Variants in GUCY1B1 observed in about 807,000 individuals in gnomAD.
GUCY1B1 encodes the protein guanylate cyclase 1 soluble subunit beta 1.
In GUCY1B1, 43 loss-of-function variants were observed where a neutral mutation model predicts 71.0. The ratio of observed to expected loss-of-function variants is 0.61; its 90% confidence interval spans 0.47 to 0.78. The LOEUF is 0.78. Among genes scored for constraint, GUCY1B1 ranks in the 30% least tolerant of loss-of-function variants. The pLI, the probability that GUCY1B1 is intolerant of heterozygous loss-of-function variation, is 0.00. For synonymous variants in GUCY1B1, 266 were observed against 259.7 expected (o/e 1.02, Z -0.23); for missense variants, 535 against 754.1 (o/e 0.71, Z 3.40).
At chr4:155,786,690 G>A (rs1214205605) in intron 4 of GUCY1B1, among the ~76,000 whole-genome samples, 1 of 151,688 alleles carries the variant, frequency 6.6e-6, no homozygotes, top group Non-Finnish European at 1.5e-5. Context: ...AGCCAGGATG[G>A]TCTTGATCTC....
At chr4:155,763,208 G>C (rs1737115605) in intron 2 of GUCY1B1, among the ~76,000 whole-genome samples, 1 of 151,932 alleles carries the variant, frequency 6.6e-6, no homozygotes, top group South Asian at 2.1e-4. Flanking sequence ...ATTTTTTCTG[G>C]GTAGCAGCGG....
chr4:155,794,574 A>G (rs1275641668), intron 6 of GUCY1B1, among the ~76,000 whole-genome samples: 1 of 152,202 alleles, frequency 6.6e-6, no homozygotes, highest in Non-Finnish European at 1.5e-5. Flanking sequence ...TGATGATGAG[A>G]AACTGCTGTT....
chr4:155,761,346 TGC>T (rs1300961750), intron 2 of GUCY1B1, among the ~76,000 whole-genome samples: 7 of 136,576 alleles, frequency 5.1e-5, no homozygotes, highest in African/African-American at 1.6e-4. Context: ...AATTTATAAA[TGC>T]TATATATATA....
chr4:155,772,710 C>G (rs1458631727), intron 2 of GUCY1B1: 1 of 702,422 alleles, frequency 1.4e-6, no homozygotes. Flanking sequence ...ATGAGCCAAC[C>G]TGCCCAGCCA....
chr4:155,769,681 ATTTAC>A (rs1269799511), intron 2 of GUCY1B1, among the ~76,000 whole-genome samples: 1 of 152,070 alleles, frequency 6.6e-6, no homozygotes, highest in Non-Finnish European at 1.5e-5. Context: ...GTTTAATCCA[ATTTAC>A]TTAGAGTTTA....
Position 155,806,449 on chromosome 4 carries a change from C to G in GUCY1B1, c.*40C>G. ...GGTGAAGAGGAGTACAGACTAGGTTCCAGTTTTCTCCTAACACGTGCCAAG... is the reference window on the plus strand; with the variant it reads ...GGTGAAGAGGAGTACAGACTAGGTTGCAGTTTTCTCCTAACACGTGCCAAG... On this transcript the variant is annotated 3_prime_UTR_variant, in exon 14 of 14. Coordinates refer to ENST00000264424, the MANE Select transcript of GUCY1B1 (RefSeq NM_000857.5). The G allele has an allele frequency of 6.9e-7, 1 of 1,449,286 alleles. No homozygotes were observed. Among genetic ancestry groups the G allele is most frequent in the Non-Finnish European group, 9.7e-7 (1 of 1,031,844 alleles). The allele number at this position is 1,449,286 out of a possible 1,614,324, so 89.8% of individuals were successfully genotyped here. A position where few individuals can be genotyped will look rare whatever the true frequency, so the allele number is the denominator to read the frequency against.
chr4:155,773,315 A>G (rs1342541941), intron 2 of GUCY1B1, among the ~76,000 whole-genome samples: 10 of 152,234 alleles, frequency 6.6e-5, no homozygotes, highest in Admixed American at 6.5e-4. Context: ...AGTAGGTGGC[A>G]GTGTTTTAAA....
rs1378837281 is a variant in GUCY1B1 at position 155,789,710 on chromosome 4, G to T, written c.298-4G>T. The T allele has an allele frequency of 6.4e-7, 1 of 1,561,506 alleles. No homozygotes were observed. The highest frequency in any genetic ancestry group is 1.8e-5 in the Admixed American group (1 of 54,884). On this transcript the variant is annotated splice_polypyrimidine_tract_variant and splice_region_variant and intron_variant, in intron 4 of 13. Transcript: ENST00000264424. ...TATTGGTCTCCCTTTCTTCTTTGCTGCAGAACCTTGATGCTCTGCACGACC... is the reference window on the plus strand; with the variant it reads ...TATTGGTCTCCCTTTCTTCTTTGCTTCAGAACCTTGATGCTCTGCACGACC...
intron 2 of GUCY1B1, among the ~76,000 whole-genome samples, chr4:155,770,701 G>A (rs939658421): frequency 5.9e-5 from 9 of 152,186 alleles, no homozygotes; most frequent in African/African-American, 2.2e-4. Flanking sequence ...GAGAAGGAAA[G>A]GAAGTGGCCC....
At chr4:155,798,519 G>A (rs1041822646) in intron 8 of GUCY1B1, among the ~76,000 whole-genome samples, 6 of 152,042 alleles carry the variant, frequency 3.9e-5, no homozygotes, top group East Asian at 3.9e-4. Context: ...AAAAGACACC[G>A]TGTATTTCAT....
chr4:155,768,628 A>C (rs540392562), intron 2 of GUCY1B1, among the ~76,000 whole-genome samples: 2 of 152,274 alleles, frequency 1.3e-5, no homozygotes, highest in Non-Finnish European at 1.5e-5. Context: ...ACATTAAAGA[A>C]AAAAATCCCA....
At chr4:155,783,181 A>G (rs1738553445) in intron 4 of GUCY1B1, among the ~76,000 whole-genome samples, 2 of 152,330 alleles carry the variant, frequency 1.3e-5, no homozygotes, top group South Asian at 4.1e-4. Context: ...ACAATGAGTC[A>G]AGAGCTTTGA....
chr4:155,761,709 A>G (rs1046431375), intron 2 of GUCY1B1, among the ~76,000 whole-genome samples: 27 of 152,370 alleles, frequency 1.8e-4, no homozygotes, highest in African/African-American at 6.5e-4. Context: ...CTGCAAAATC[A>G]AGCTGAGAAT....
At chr4:155,788,857 G>GCA (rs145637851) in intron 4 of GUCY1B1, among the ~76,000 whole-genome samples, 9 of 151,438 alleles carry the variant, frequency 5.9e-5, no homozygotes, top group African/African-American at 1.5e-4. Context: ...TATATGTGCA[G>GCA]CACACACACA....
chr4:155,780,202 G>T (rs1384915398), intron 4 of GUCY1B1, among the ~76,000 whole-genome samples: 1 of 152,084 alleles, frequency 6.6e-6, no homozygotes, highest in Non-Finnish European at 1.5e-5. Context: ...CATCCTTTCT[G>T]CATCTTTCCT....
intron 5 of GUCY1B1, among the ~76,000 whole-genome samples, chr4:155,792,297 C>G (rs1238808692): frequency 2.6e-5 from 4 of 151,342 alleles, no homozygotes; most frequent in Non-Finnish European, 2.9e-5. Context: ...TTGATCAAAG[C>G]AAAAAAATTA....
intron 6 of GUCY1B1, 95 bp downstream of exon 6, chr4:155,794,181 A>T (rs1476870943): frequency 1.5e-6 from 1 of 678,806 alleles, no homozygotes; most frequent in African/African-American, 1.8e-5. Flanking sequence ...CCCTCTGACT[A>T]TGTATTAGGT....
At chr4:155,765,032 T>TA (rs200993345) in intron 2 of GUCY1B1, among the ~76,000 whole-genome samples, 9,580 of 149,972 alleles carry the variant, frequency 0.064, 402 homozygotes, top group African/African-American at 0.12. Context: ...TTTTGAGAAT[T>TA]AAAAAAAAAA....
rs1006255412 is a variant in GUCY1B1, at chr4:155,802,098, T to C, written c.1176-244T>C. 6 of 743,452 alleles carry C rather than the reference T, an allele frequency of 8.1e-6. No homozygotes were observed. In the Admixed American group the frequency reaches 1.9e-4, roughly 23 times the overall value. The allele number at this position is 743,452 out of a possible 1,614,324, so 46.1% of individuals were successfully genotyped here. A position where few individuals can be genotyped will look rare whatever the true frequency, so the allele number is the denominator to read the frequency against. ...TCTGTTTGCTTGGCTTATTTTGATT[T>C]GGTTTGAACTAGTTTGGGCTTGCGG... On this transcript the variant is annotated intron_variant, in intron 9 of 13. Coordinates refer to ENST00000264424, the MANE Select transcript of GUCY1B1 (RefSeq NM_000857.5). The surrounding 1 kb of genome is among the most constrained non-coding windows in gnomAD (Gnocchi z 4.3).
Sources: gnomAD v4.1 joint callset for allele counts (sites outside exome capture counted in the v4.1 genomes callset) on GRCh38, gnomAD v4.1.1 for gene constraint, Gnocchi (gnomAD v3.1) non-coding constraint, MANE v1.5 for transcripts, NCBI Gene and HGNC (gene_info 2026-07-23, HGNC 2026-07-21) for gene names.